RORA: variants seen among roughly 807,000 people sequenced by gnomAD.
The protein encoded by RORA is nuclear receptor ROR-alpha.
In RORA, 7 loss-of-function variants were observed where a neutral mutation model predicts 69.5. The observed-to-expected ratio is 0.10, with a 90% CI of 0.06 to 0.19. The LOEUF is 0.19. Ranked by LOEUF, RORA falls within the 10% of genes least tolerant of loss-of-function variation. RORA has a pLI of 1.00. For missense variants in RORA, 457 were observed against 663.0 expected, an observed-to-expected ratio of 0.69 and a Z score of 3.41; for synonymous variants, 261 against 240.8, an observed-to-expected ratio of 1.08 and a Z score of -0.78.
In RORA at chr15:61,226,868, T is replaced by G. The variant is rs752001888; in HGVS notation, c.166+2185A>C. Among the ~76,000 whole-genome samples, 1 of 151,690 alleles carries G rather than the reference T, an allele frequency of 6.6e-6. No homozygotes were observed. Among genetic ancestry groups the G allele is most frequent in the Non-Finnish European group, 1.5e-5 (1 of 67,896 alleles). Reference sequence around the variant, plus strand: ...GACAGGGGCTGGTTCAAAGAATGAGTTGGGGTGGGGGCAGAGGGTGGGGGG... The same window carrying G: ...GACAGGGGCTGGTTCAAAGAATGAGGTGGGGTGGGGGCAGAGGGTGGGGGG... On this transcript the variant is annotated intron_variant, in intron 1 of 10. Transcript: ENST00000335670. The surrounding 1 kb of genome is among the most constrained non-coding windows in gnomAD (Gnocchi z 4.2).
intron 1 of RORA, among the ~76,000 whole-genome samples, chr15:61,058,650 G>A (rs573731505): frequency 1.3e-4 from 20 of 152,298 alleles, no homozygotes; most frequent in African/African-American, 4.8e-4. Flanking sequence ...GGAGTGAGAA[G>A]AAGAATGATG....
chr15:61,063,393 T>A (rs900862695), intron 1 of RORA, among the ~76,000 whole-genome samples: 1 of 152,210 alleles, frequency 6.6e-6, no homozygotes, highest in Non-Finnish European at 1.5e-5. Flanking sequence ...AAAGAAACAG[T>A]TACCTAGAAC....
chr15:60,797,596 G>A (rs1435978404), intron 1 of RORA, among the ~76,000 whole-genome samples: 2 of 152,184 alleles, frequency 1.3e-5, no homozygotes, highest in Non-Finnish European at 2.9e-5. Context: ...AAACACCCAT[G>A]AGATGAGACT....
At chr15:60,942,658 G>A (rs964318555) in intron 1 of RORA, among the ~76,000 whole-genome samples, 7 of 152,224 alleles carry the variant, frequency 4.6e-5, no homozygotes, top group African/African-American at 1.4e-4. Context: ...AGAATGCTGT[G>A]TGAATGTTAT....
At chr15:60,509,977 C>T (rs1450334277) in intron 5 of RORA, among the ~76,000 whole-genome samples, 1 of 152,048 alleles carries the variant, frequency 6.6e-6, no homozygotes, top group African/African-American at 2.4e-5. Flanking sequence ...GTGTAAAAAC[C>T]GTAAAGAACA....
chr15:60,868,809 G>A (rs538425451), intron 1 of RORA, among the ~76,000 whole-genome samples: 125 of 152,234 alleles, frequency 8.2e-4, no homozygotes, highest in Non-Finnish European at 1.7e-3. Context: ...TTCCAGGGGG[G>A]AAAAACACTC....
At chr15:60,990,978 C>T (rs1894359551) in intron 1 of RORA, among the ~76,000 whole-genome samples, 1 of 152,132 alleles carries the variant, frequency 6.6e-6, no homozygotes. Context: ...ATCTATATGT[C>T]ATGTCTATTA....
At chr15:61,142,490 G>T (rs1392231006) in intron 1 of RORA, among the ~76,000 whole-genome samples, 5 of 152,110 alleles carry the variant, frequency 3.3e-5, no homozygotes, top group African/African-American at 1.2e-4. Context: ...TTTCAGGAAA[G>T]AAAACTTTTA....
chr15:60,776,393 G>A (rs760846681), intron 1 of RORA, among the ~76,000 whole-genome samples: 8 of 152,190 alleles, frequency 5.3e-5, no homozygotes, highest in Non-Finnish European at 1.2e-4. Flanking sequence ...GCGGAACTCT[G>A]TCCAGGCATT....
At chr15:61,103,872 G>A (rs2078915105) in intron 1 of RORA, among the ~76,000 whole-genome samples, 1 of 152,114 alleles carries the variant, frequency 6.6e-6, no homozygotes, top group Admixed American at 6.5e-5. Context: ...GCACCACAAG[G>A]TTTATGAAAC....
At position 60,495,827 on chromosome 15, in the gene RORA, A is replaced by G. The variant is rs533178243; in HGVS notation, c.*1628T>C. 4.0e-5 allele frequency: 6 copies of G among 149,216 alleles called. No homozygotes were observed. The highest frequency in any genetic ancestry group is 3.4e-4 in the Admixed American group (5 of 14,784). The allele number at this position is 149,216 out of a possible 1,614,324, so 9.2% of individuals were successfully genotyped here. A position where few individuals can be genotyped will look rare whatever the true frequency, so the allele number is the denominator to read the frequency against. ...AATATGCACATCTGTTTATCAGACT[A>G]TTCCTTTCCCCTTCCCCCACTAGGG... On this transcript the variant is annotated 3_prime_UTR_variant, in exon 11 of 11. Transcript: ENST00000335670.
chr15:60,794,572 C>T (rs1165689900), intron 1 of RORA, among the ~76,000 whole-genome samples: 1 of 152,198 alleles, frequency 6.6e-6, no homozygotes, highest in Non-Finnish European at 1.5e-5. Flanking sequence ...CCAAAGCTTG[C>T]TTTTAGATAT....
intron 1 of RORA, among the ~76,000 whole-genome samples, chr15:60,729,748 T>C (rs2071406192): frequency 6.6e-6 from 1 of 152,224 alleles, no homozygotes; most frequent in African/African-American, 2.4e-5. Flanking sequence ...TAATCATTTA[T>C]ACAGTTGTTA....
chr15:60,925,739 A>G (rs1892197856), intron 1 of RORA, among the ~76,000 whole-genome samples: 2 of 152,228 alleles, frequency 1.3e-5, no homozygotes, highest in African/African-American at 4.8e-5. Flanking sequence ...TCCAAGGACT[A>G]TCAGAATTCC....
chr15:61,194,790 G>A (rs941722923), intron 1 of RORA, among the ~76,000 whole-genome samples: 2 of 152,058 alleles, frequency 1.3e-5, no homozygotes, highest in African/African-American at 2.4e-5. Context: ...AGAGCCACAC[G>A]GCCTGGGTTT....
intron 1 of RORA, among the ~76,000 whole-genome samples, chr15:60,701,225 T>G (rs900612071): frequency 6.6e-6 from 1 of 152,224 alleles, no homozygotes; most frequent in African/African-American, 2.4e-5. Flanking sequence ...TGCCATTGTG[T>G]CTGGCACATA....
chr15:61,005,211 G>A (rs1014230058), intron 1 of RORA, among the ~76,000 whole-genome samples: 3 of 152,196 alleles, frequency 2.0e-5, no homozygotes, highest in Non-Finnish European at 4.4e-5. Flanking sequence ...CAGGCATGGT[G>A]GCTCATGTCT....
At chr15:60,913,423 A>G (rs1369330575) in intron 1 of RORA, among the ~76,000 whole-genome samples, 10 of 152,216 alleles carry the variant, frequency 6.6e-5, no homozygotes, top group African/African-American at 1.2e-4. Flanking sequence ...AAATTGGCCA[A>G]CGTCTTGGTA....
chr15:60,517,876 C>CT (rs2066018437), intron 3 of RORA, among the ~76,000 whole-genome samples: 3 of 152,030 alleles, frequency 2.0e-5, no homozygotes, highest in Admixed American at 6.5e-5. Flanking sequence ...TTCTTTTTTT[C>CT]TTTAAGTGGA....
Sources: gnomAD v4.1 joint callset for allele counts (sites outside exome capture counted in the v4.1 genomes callset) on GRCh38, gnomAD v4.1.1 for gene constraint, Gnocchi (gnomAD v3.1) non-coding constraint, MANE v1.5 for transcripts, NCBI Gene and HGNC (gene_info 2026-07-23, HGNC 2026-07-21) for gene names.